Variants in PIK3C2G observed in about 807,000 individuals in gnomAD.
PIK3C2G encodes phosphatidylinositol-4-phosphate 3-kinase catalytic subunit type 2 gamma.
PIK3C2G carries 168 observed loss-of-function variants against 181.1 expected under a neutral mutation model. The observed-to-expected ratio is 0.93, with a 90% confidence interval of 0.82 to 1.05. The LOEUF (loss-of-function observed/expected upper bound fraction) is 1.05. Among genes scored for constraint, PIK3C2G ranks in the 50% least tolerant of loss-of-function variants. The pLI is 0.00. For synonymous variants in PIK3C2G, 573 were observed against 592.2 expected (o/e 0.97, Z 0.47); for missense variants, 1,869 against 1,732.8 (o/e 1.08, Z -1.40).
chr12:18,553,027 T>C (rs1944814858), intron 26 of PIK3C2G, among the ~76,000 whole-genome samples: 1 of 152,076 alleles, frequency 6.6e-6, no homozygotes, highest in Non-Finnish European at 1.5e-5. Context: ...ATAGTCCAGA[T>C]GGCGCTGTTT....
intron 1 of PIK3C2G, among the ~76,000 whole-genome samples, chr12:18,274,526 C>T (rs1591800562): frequency 6.6e-6 from 1 of 152,208 alleles, no homozygotes; most frequent in African/African-American, 2.4e-5. Flanking sequence ...AGCTGGAAAC[C>T]ATCATTCTCA....
In PIK3C2G at chr12:18,343,315, A is replaced by T. The variant is rs933044761; in HGVS notation, c.1396-12A>T. ...GTGCGAATAACAAGTATAATTTTAC[A>T]TTTTTTTTCAGAATTTTTATCAAAG... is the stretch of plus-strand genomic sequence containing the variant. On this transcript the variant is annotated splice_polypyrimidine_tract_variant and intron_variant, in intron 9 of 32. Coordinates refer to ENST00000538779, the MANE Select transcript of PIK3C2G (RefSeq NM_001288772.2). 1.5e-6 allele frequency: 2 copies of T among 1,312,168 alleles called. No individual in the cohort carries two copies. The highest frequency in any genetic ancestry group is 1.5e-5 in the African/African-American group (1 of 67,610). The allele number at this position is 1,312,168 out of a possible 1,614,324, so 81.3% of individuals were successfully genotyped here.
chr12:18,320,790 G>A (rs1161232931), intron 6 of PIK3C2G, among the ~76,000 whole-genome samples, 172 bp from the exon 7 acceptor site: 1 of 152,214 alleles, frequency 6.6e-6, no homozygotes, highest in Non-Finnish European at 1.5e-5. Flanking sequence ...TTTTGAAAAG[G>A]CTTATATAGT....
chr12:18,362,166 G>A (rs1941294669), intron 11 of PIK3C2G, among the ~76,000 whole-genome samples: 1 of 152,080 alleles, frequency 6.6e-6, no homozygotes, highest in Non-Finnish European at 1.5e-5. Flanking sequence ...ATCATTCTAT[G>A]CTGAGTTGTG....
At chr12:18,583,791 G>T (rs1243632429) in intron 29 of PIK3C2G, among the ~76,000 whole-genome samples, 1 of 151,954 alleles carries the variant, frequency 6.6e-6, no homozygotes, top group Admixed American at 6.6e-5. Context: ...AAATGCAGGA[G>T]CTCCAGCAAC....
At chr12:18,703,596 T>G in the PIK3C2G span, among the ~76,000 whole-genome samples, 1 of 152,204 alleles carries the variant, frequency 6.6e-6, no homozygotes, top group African/African-American at 2.4e-5. Flanking sequence ...CTCTTTACAA[T>G]AGAATGTTAA....
intron 30 of PIK3C2G, among the ~76,000 whole-genome samples, chr12:18,601,227 A>G (rs73068385): frequency 0.028 from 4,239 of 151,990 alleles, 66 homozygotes; most frequent in Middle Eastern, 0.061. Context: ...ATAGACCCTG[A>G]AAAGGCATTT....
intron 24 of PIK3C2G, among the ~76,000 whole-genome samples, chr12:18,524,065 C>G (rs1278958926): frequency 1.3e-5 from 2 of 152,218 alleles, no homozygotes; most frequent in Non-Finnish European, 2.9e-5. Flanking sequence ...GAGAGCCCCA[C>G]TCCTTTTCTT....
At chr12:18,261,013 A>C (rs564572297), upstream of PIK3C2G, among the ~76,000 whole-genome samples, 5 of 152,240 alleles carry the variant, frequency 3.3e-5, no homozygotes, top group South Asian at 8.3e-4. Context: ...GCTAAACTAA[A>C]AATTAATATC....
At chr12:18,574,679 GCA>G (rs1946139077) in intron 29 of PIK3C2G, among the ~76,000 whole-genome samples, 1 of 152,102 alleles carries the variant, frequency 6.6e-6, no homozygotes, top group African/African-American at 2.4e-5. Context: ...ATATCATGTT[GCA>G]CATACAGACA....
chr12:18,697,781 A>G, the PIK3C2G span, among the ~76,000 whole-genome samples: 1 of 144,818 alleles, frequency 6.9e-6, no homozygotes, highest in Non-Finnish European at 1.5e-5. Flanking sequence ...TTTCATTTCA[A>G]TAATATTCAT....
At chr12:18,690,209 TTTTGTTTGTTTG>T in the PIK3C2G span, among the ~76,000 whole-genome samples, 14 of 151,860 alleles carry the variant, frequency 9.2e-5, no homozygotes, top group Non-Finnish European at 8.8e-5. Context: ...CACATCTGTT[TTTTGTTTGTTTG>T]TTTGTTTGTT....
At chr12:18,247,644 C>T (rs547998533) in exon 1 of PIK3C2G, 8 of 152,152 alleles carry the variant, frequency 5.3e-5, no homozygotes, top group African/African-American at 1.9e-4. Context: ...GCTGGTCACT[C>T]CACCCTAATC....
intron 5 of PIK3C2G, among the ~76,000 whole-genome samples, chr12:18,294,282 C>A (rs1949842209): frequency 1.3e-5 from 2 of 151,920 alleles, no homozygotes. Context: ...TTGGAGGTAG[C>A]CCTCAGGATG....
the PIK3C2G span, among the ~76,000 whole-genome samples, chr12:18,711,968 T>C: frequency 7.2e-5 from 11 of 152,282 alleles, no homozygotes; most frequent in South Asian, 2.3e-3. Flanking sequence ...TACTCCATTT[T>C]AATATATAGT....
upstream of PIK3C2G, chr12:18,247,502 C>G (rs998314367): frequency 1.3e-5 from 2 of 152,134 alleles, no homozygotes; most frequent in African/African-American, 4.8e-5. Flanking sequence ...TGTTTCCTAG[C>G]GAAGTGACCC....
intron 18 of PIK3C2G, among the ~76,000 whole-genome samples, chr12:18,442,662 A>G (rs987692498): frequency 6.6e-6 from 1 of 152,166 alleles, no homozygotes; most frequent in South Asian, 2.1e-4. Context: ...AACAGGACTC[A>G]TTGTAAGGAT....
Position 18,538,273 on chromosome 12 carries a change from C to G in PIK3C2G, c.3441C>G (p.Ile1147Met). The change falls in exon 25 of 33, where the codon ATC becomes ATG. Residue 1147 changes from isoleucine to methionine, a missense_variant. Transcript: ENST00000538779. ...VELCCRAYNI[I>M]RKHSQLLLNL... is the part of the protein sequence containing the mutation. ...TTTGCTGTCGTGCTTATAATATTAT[C>G]AGAAAGCACAGCCAACTGCTCTTGA... The G allele has an allele frequency of 6.2e-7, 1 of 1,611,256 alleles. No homozygotes were observed. Among genetic ancestry groups the G allele is most frequent in the Non-Finnish European group, 8.5e-7 (1 of 1,178,728 alleles).
chr12:18,696,034 C>T, the PIK3C2G span: 4 of 599,502 alleles, frequency 6.7e-6, no homozygotes, highest in African/African-American at 3.9e-5. Flanking sequence ...GACCCCAAAG[C>T]CCCCGGGCTA....
Sources: gnomAD v4.1 joint callset for allele counts (sites outside exome capture counted in the v4.1 genomes callset) on GRCh38, gnomAD v4.1.1 for gene constraint, MANE v1.5 for transcripts, NCBI Gene and HGNC (gene_info 2026-07-23, HGNC 2026-07-21) for gene names.